DTWD2: variants seen among roughly 807,000 people sequenced by gnomAD.
The protein encoded by DTWD2 is DTW motif tRNA-uridine aminocarboxypropyltransferase 2.
DTWD2 carries 39 observed loss-of-function variants against 31.8 expected under a neutral mutation model. That is an observed-to-expected ratio of 1.22 (90% CI 0.95 to 1.60). The LOEUF (loss-of-function observed/expected upper bound fraction) is 1.60, where lower values mean the gene tolerates loss of function less well. Ranked by LOEUF, DTWD2 falls within the 40% of genes most tolerant of loss-of-function variation. DTWD2 has a pLI of 0.00. For missense variants in DTWD2, 515 were observed against 381.5 expected, an observed-to-expected ratio of 1.35 and a Z score of -2.92; for synonymous variants, 180 against 142.8, an observed-to-expected ratio of 1.26 and a Z score of -1.86.
At chr5:118,947,550 C>T (rs772837654) in intron 1 of DTWD2, among the ~76,000 whole-genome samples, 1 of 152,164 alleles carries the variant, frequency 6.6e-6, no homozygotes, top group African/African-American at 2.4e-5. Context: ...CTTTCCTCCT[C>T]TCCCCTTCTC....
chr5:118,881,067 T>C (rs1255500451), intron 4 of DTWD2, among the ~76,000 whole-genome samples: 1 of 152,188 alleles, frequency 6.6e-6, no homozygotes, highest in Non-Finnish European at 1.5e-5. Context: ...TTTGAATGCA[T>C]TCTAACATAC....
intron 2 of DTWD2, among the ~76,000 whole-genome samples, chr5:118,941,641 G>C (rs1195561984): frequency 6.6e-6 from 1 of 152,106 alleles, no homozygotes; most frequent in Admixed American, 6.6e-5. Context: ...ATAAACATAC[G>C]TGTGCATGTG....
chr5:118,893,175 G>C (rs1046742045), intron 4 of DTWD2, among the ~76,000 whole-genome samples: 3 of 151,996 alleles, frequency 2.0e-5, no homozygotes, highest in Admixed American at 6.6e-5. Context: ...AGGAGTTCGA[G>C]ACTAGCCTCG....
chr5:118,884,862 C>T (rs901452409), intron 4 of DTWD2, among the ~76,000 whole-genome samples: 8 of 150,958 alleles, frequency 5.3e-5, no homozygotes, highest in Non-Finnish European at 8.9e-5. Context: ...AAAAATTAGC[C>T]GGGCGTGGTG....
chr5:118,973,388 G>A (rs1755036942), intron 1 of DTWD2, among the ~76,000 whole-genome samples: 1 of 152,138 alleles, frequency 6.6e-6, no homozygotes, highest in East Asian at 1.9e-4. Context: ...TGCAGTGGCT[G>A]GTACTTGTTT....
At chr5:118,916,804 T>C (rs1045003800) in intron 4 of DTWD2, among the ~76,000 whole-genome samples, 2 of 152,214 alleles carry the variant, frequency 1.3e-5, no homozygotes, top group African/African-American at 2.4e-5. Flanking sequence ...TCATAGTTAT[T>C]ACTCAGAATA....
intron 1 of DTWD2, among the ~76,000 whole-genome samples, chr5:118,965,328 G>A (rs1315824452): frequency 4.7e-5 from 7 of 147,990 alleles, no homozygotes; most frequent in Non-Finnish European, 7.5e-5. Flanking sequence ...CCGCTCAGCC[G>A]CCACCCCGTC....
intron 4 of DTWD2, among the ~76,000 whole-genome samples, chr5:118,874,648 G>A (rs962667245): frequency 3.3e-5 from 5 of 151,936 alleles, no homozygotes; most frequent in African/African-American, 7.3e-5. Context: ...AAAACAGGCC[G>A]ACAAGAATAG....
intron 4 of DTWD2, among the ~76,000 whole-genome samples, chr5:118,859,199 C>T (rs1413150390): frequency 1.4e-5 from 2 of 145,346 alleles, no homozygotes; most frequent in Non-Finnish European, 3.0e-5. Context: ...AGCTGGAATT[C>T]TTGAAGGAAA....
At chr5:118,907,623 C>T (rs542264740) in intron 4 of DTWD2, among the ~76,000 whole-genome samples, 25 of 152,010 alleles carry the variant, frequency 1.6e-4, no homozygotes, top group Non-Finnish European at 3.1e-4. Flanking sequence ...CCCAGCTACT[C>T]GGGAGGCTAA....
chr5:118,933,699 G>A (rs140720081), intron 3 of DTWD2, among the ~76,000 whole-genome samples: 261 of 152,140 alleles, frequency 1.7e-3, no homozygotes, highest in African/African-American at 5.1e-3. Flanking sequence ...AGCATTATAC[G>A]TAATTGTTCT....
chr5:118,986,889 A>G (rs1755439965), intron 1 of DTWD2, among the ~76,000 whole-genome samples: 1 of 152,204 alleles, frequency 6.6e-6, no homozygotes, highest in African/African-American at 2.4e-5. Context: ...AGCAAATTTC[A>G]CCAGAAATAA....
chr5:118,891,277 C>T (rs1453586212), intron 4 of DTWD2, among the ~76,000 whole-genome samples: 1 of 151,992 alleles, frequency 6.6e-6, no homozygotes, highest in African/African-American at 2.4e-5. Context: ...TCTGTTCCCA[C>T]TATGCAATCC....
Position 118,846,920 on chromosome 5 carries a change from G to GCGCACA in DTWD2, c.726+1169_726+1170insTGTGCG, listed in dbSNP as rs942571698. Among the ~76,000 whole-genome samples the GCGCACA allele has an allele frequency of 5.9e-5, 8 of 134,986 alleles. No individual in the cohort carries two copies. In the East Asian group the frequency reaches 1.5e-3, roughly 25 times the overall value. The allele number at this position is 134,986 out of a possible 152,430, so 88.6% of individuals were successfully genotyped here. On this transcript the variant is annotated intron_variant, in intron 5 of 5. Transcript: ENST00000510708. ...AAACAAAGTCTACTCAAACACACAG[G>GCGCACA]CACACACACACACACACACACACAC...
intron 1 of DTWD2, among the ~76,000 whole-genome samples, chr5:118,977,907 G>A (rs1004422763): frequency 6.6e-6 from 1 of 151,962 alleles, no homozygotes; most frequent in African/African-American, 2.4e-5. Context: ...AAACTGGAGA[G>A]GCATTACACT....
At chr5:118,892,640 T>C (rs982899556) in intron 4 of DTWD2, among the ~76,000 whole-genome samples, 12 of 152,216 alleles carry the variant, frequency 7.9e-5, no homozygotes, top group African/African-American at 2.6e-4. Context: ...CAAAAAACAT[T>C]CAAAATCTTA....
At chr5:118,964,472 G>A (rs1754782049) in intron 1 of DTWD2, among the ~76,000 whole-genome samples, 1 of 151,724 alleles carries the variant, frequency 6.6e-6, no homozygotes, top group Admixed American at 6.6e-5. Context: ...TCTATCCACG[G>A]TCTCCCTCTG....
chr5:118,953,420 G>A (rs1304554361), intron 1 of DTWD2, among the ~76,000 whole-genome samples: 5 of 152,134 alleles, frequency 3.3e-5, no homozygotes, highest in Non-Finnish European at 1.5e-5. Context: ...TGGACAAAAT[G>A]GCTTACCCAA....
intron 4 of DTWD2, among the ~76,000 whole-genome samples, chr5:118,864,982 A>G (rs1390757585): frequency 6.6e-6 from 1 of 152,154 alleles, no homozygotes; most frequent in South Asian, 2.1e-4. Flanking sequence ...GCCTACAGAA[A>G]GTGTTAATGA....
Sources: gnomAD v4.1 joint callset for allele counts (sites outside exome capture counted in the v4.1 genomes callset) on GRCh38, gnomAD v4.1.1 for gene constraint, MANE v1.5 for transcripts, NCBI Gene and HGNC (gene_info 2026-07-23, HGNC 2026-07-21) for gene names.